Variants in FZD1 observed in about 807,000 individuals in gnomAD.
The protein encoded by FZD1 is frizzled-1.
A neutral mutation model predicts 48.0 loss-of-function variants in FZD1; 22 were observed. That is an observed-to-expected ratio of 0.46 (90% CI 0.33 to 0.65). The LOEUF (loss-of-function observed/expected upper bound fraction) is 0.65, where lower values mean the gene tolerates loss of function less well. Among genes scored for constraint, FZD1 ranks in the 30% least tolerant of loss-of-function variants. FZD1 has a pLI of 0.02. For synonymous variants in FZD1, 486 were observed against 409.6 expected, an observed-to-expected ratio of 1.19 and a Z score of -2.25; for missense variants, 843 against 898.1, an observed-to-expected ratio of 0.94 and a Z score of 0.78.
rs968107291 is a variant in FZD1, at chr7:91,268,819, G to T, written c.*1995G>T. ...CCAATCCCACAGTGTAAAAATTCAG[G>T]AATTCAATGAAAAAAGTCTACCCTT... On this transcript the variant is annotated 3_prime_UTR_variant, in exon 1 of 1. Coordinates refer to ENST00000287934, the MANE Select transcript of FZD1 (RefSeq NM_003505.2). 7 of 166,816 alleles carry T rather than the reference G, an allele frequency of 4.2e-5. No homozygotes were observed. The highest frequency in any genetic ancestry group is 1.3e-4 in the Admixed American group (2 of 15,272). 10.3% of individuals were successfully genotyped at this position (166,816 alleles called of 1,614,324 possible).
In FZD1 at chr7:91,266,105, C is replaced by G. The variant is rs559829750; in HGVS notation, c.1225C>G (p.Leu409Val). 6.2e-7 allele frequency: 1 copy of G among 1,614,244 alleles called. No individual in the cohort carries two copies. Among genetic ancestry groups the G allele is most frequent in the East Asian group, 2.2e-5 (1 of 44,858 alleles). ...GGGCTGCACCATCCTCTTCATGATG[C>G]TCTACTTCTTCAGCATGGCCAGCTC... ...KEGCTILFMM[L>V]YFFSMASSIW... The change falls in exon 1 of 1, where the codon CTC (leucine) becomes GTC (valine). Residue 409 changes from leucine to valine, a missense_variant. Leu to Val is a conservative substitution (Grantham distance 32). This residue lies in a region of FZD1 where 353 missense variants were observed against 431.6 expected (regional missense o/e 0.82). Coordinates refer to ENST00000287934, the MANE Select transcript of FZD1 (RefSeq NM_003505.2). This position sits in a 1 kb window ranked among gnomAD's most constrained non-coding sequence, Gnocchi z 6.8.
chr7:91,264,830 G>T lies in FZD1; in HGVS notation c.-51G>T, dbSNP rs2232159. 10 of 1,236,874 alleles carry T rather than the reference G, an allele frequency of 8.1e-6. No homozygotes were observed. Among genetic ancestry groups the T allele is most frequent in the Non-Finnish European group, 8.1e-6 (8 of 982,978 alleles). 76.6% of individuals were successfully genotyped at this position (1,236,874 alleles called of 1,614,324 possible). A position where few individuals can be genotyped will look rare whatever the true frequency, so the allele number is the denominator to read the frequency against. Reference sequence around the variant, plus strand: ...GCCGCAGGGGGAGCCGCCGCCGGCCGTGCCCCTGGCAGCCCCAGCGGAGCG... The same window carrying T: ...GCCGCAGGGGGAGCCGCCGCCGGCCTTGCCCCTGGCAGCCCCAGCGGAGCG... On this transcript the variant is annotated 5_prime_UTR_variant, in exon 1 of 1. Transcript: ENST00000287934.
Position 91,265,674 on chromosome 7 carries a change from G to C in FZD1, c.794G>C (p.Gly265Ala). 1 of 1,569,470 alleles carries C rather than the reference G, an allele frequency of 6.4e-7. No individual in the cohort carries two copies. Among genetic ancestry groups the C allele is most frequent in the Non-Finnish European group, 8.6e-7 (1 of 1,160,518 alleles). ...GGGCACCGTGGCGGCTTCCCGGGGG[G>C]CGCCGGCGCGTCGGAGCGAGGCAAG... is the stretch of plus-strand genomic sequence containing the variant. ...GGGHRGGFPGGAGASERGKFS... is the reference protein window; with the variant it reads ...GGGHRGGFPGAAGASERGKFS... The change falls in exon 1 of 1, where the codon GGC becomes GCC. Residue 265 changes from glycine to alanine, a missense_variant. Gly to Ala is a moderately conservative substitution (Grantham distance 60). Around this residue, in one of 2 missense-constraint regions of FZD1, gnomAD observed 490 missense variants for 466.5 expected, o/e 1.05. Transcript: ENST00000287934. This position sits in a 1 kb window ranked among gnomAD's most constrained non-coding sequence, Gnocchi z 6.9.
rs1371319481 is a variant in FZD1 at position 91,265,945 on chromosome 7, C to G, written c.1065C>G (p.Ile355Met). The G allele has an allele frequency of 1.9e-6, 3 of 1,614,200 alleles. No individual in the cohort carries two copies. The highest frequency in any genetic ancestry group is 3.3e-5 in the Admixed American group (2 of 60,034). The change falls in exon 1 of 1, where the codon ATC becomes ATG. Residue 355 changes from isoleucine to methionine, a missense_variant. Ile to Met is a conservative substitution (Grantham distance 10, BLOSUM62 1). Transcript: ENST00000287934. This position sits in a 1 kb window ranked among gnomAD's most constrained non-coding sequence, Gnocchi z 6.9. Reference sequence around the variant, plus strand: ...GCTTCAGCTACCCGGAGCGGCCCATCATCTTCTTGTCCGGCTGTTACACGG... The same window carrying G: ...GCTTCAGCTACCCGGAGCGGCCCATGATCTTCTTGTCCGGCTGTTACACGG... Reference protein sequence around the residue: ...MRRFSYPERPIIFLSGCYTAV... With the variant: ...MRRFSYPERPMIFLSGCYTAV...
Position 91,268,656 on chromosome 7 carries a change from TTATA to T in FZD1, c.*1841_*1844del, listed in dbSNP as rs923926524. On this transcript the variant is annotated 3_prime_UTR_variant, in exon 1 of 1. Coordinates refer to ENST00000287934, the MANE Select transcript of FZD1 (RefSeq NM_003505.2). ...TCTATATTTATAGAGGAATAGAAGT[TTATA>T]TATATATAATACCATATTTTTAATT... The T allele has an allele frequency of 1.8e-5, 3 of 166,050 alleles. No homozygotes were observed. Among genetic ancestry groups the T allele is most frequent in the Non-Finnish European group, 4.4e-5 (3 of 68,038 alleles). The allele number at this position is 166,050 out of a possible 1,614,324, so 10.3% of individuals were successfully genotyped here.
At position 91,269,463 on chromosome 7, in the gene FZD1, A is replaced by T. The variant is rs1162886618; in HGVS notation, c.*2639A>T. ...GAGAAATGGAAAATGCTAGATGGAA[A>T]ACCTCAAATACCTTTACAGGTTAAA... On this transcript the variant is annotated 3_prime_UTR_variant, in exon 1 of 1. Transcript: ENST00000287934. The T allele has an allele frequency of 6.0e-6, 1 of 167,012 alleles. No individual in the cohort carries two copies. Among genetic ancestry groups the T allele is most frequent in the Non-Finnish European group, 1.5e-5 (1 of 68,072 alleles). 10.3% of individuals were successfully genotyped at this position (167,012 alleles called of 1,614,324 possible).
rs1177723893 is a variant in FZD1 at position 91,270,496 on chromosome 7, A to C, written c.*3672A>C. ...TGAAGCCTTCTGGTGTAGTTGTATC[A>C]CCTTAATGTCCAGCATTTAACTAGG... On this transcript the variant is annotated 3_prime_UTR_variant, in exon 1 of 1. Coordinates refer to ENST00000287934, the MANE Select transcript of FZD1 (RefSeq NM_003505.2). 1 of 167,054 alleles carries C rather than the reference A, an allele frequency of 6.0e-6. No individual in the cohort carries two copies. Among genetic ancestry groups the C allele is most frequent in the African/African-American group, 2.4e-5 (1 of 41,428 alleles). 10.3% of individuals were successfully genotyped at this position (167,054 alleles called of 1,614,324 possible). A position where few individuals can be genotyped will look rare whatever the true frequency, so the allele number is the denominator to read the frequency against.
Position 91,266,464 on chromosome 7 carries a change from G to A in FZD1, c.1584G>A (p.Glu528=), listed in dbSNP as rs371079540. The change falls in exon 1 of 1, where the codon GAG becomes GAA. Residue 528 remains glutamate (E), a synonymous_variant. Coordinates refer to ENST00000287934, the MANE Select transcript of FZD1 (RefSeq NM_003505.2). This position sits in a 1 kb window ranked among gnomAD's most constrained non-coding sequence, Gnocchi z 6.8. ...TGAAGCACGATGGCACCAAGACCGA[G>A]AAGCTGGAGAAGCTCATGGTGCGCA... is the stretch of plus-strand genomic sequence containing the variant. The part of the protein sequence containing the change: ...TIMKHDGTKT[E]KLEKLMVRIG... 2.2e-5 allele frequency: 36 copies of A among 1,614,176 alleles called. No homozygotes were observed. Among genetic ancestry groups the A allele is most frequent in the Non-Finnish European group, 2.9e-5 (34 of 1,180,024 alleles).
At position 91,264,594 on chromosome 7, in the gene FZD1, C is replaced by A. The variant is rs1803834092; in HGVS notation, c.-287C>A. The A allele has an allele frequency of 8.0e-6, 3 of 372,898 alleles. No individual in the cohort carries two copies. The highest frequency in any genetic ancestry group is 2.9e-4 in the South Asian group (2 of 6,932). 23.1% of individuals were successfully genotyped at this position (372,898 alleles called of 1,614,324 possible). The stretch of plus-strand genomic sequence containing the variant: ...TACGGGGCCGCGGCCACTAGCGCGG[C>A]GCCGCCAGCCGGGAGCCAGCGAGCC... On this transcript the variant is annotated 5_prime_UTR_variant, in exon 1 of 1. Coordinates refer to ENST00000287934, the MANE Select transcript of FZD1 (RefSeq NM_003505.2).
Position 91,266,936 on chromosome 7 carries a change from A to C in FZD1, c.*112A>C. 2 of 712,768 alleles carry C rather than the reference A, an allele frequency of 2.8e-6. No individual in the cohort carries two copies. Among genetic ancestry groups the C allele is most frequent in the East Asian group, 2.6e-5 (1 of 38,828 alleles). The allele number at this position is 712,768 out of a possible 1,614,324, so 44.2% of individuals were successfully genotyped here. A position where few individuals can be genotyped will look rare whatever the true frequency, so the allele number is the denominator to read the frequency against. ...CATCTCGAGGTTTCCTCACTAGACAACTCTCTTTCGCAGGCTCCTTTGAAC... is the reference window on the plus strand; with the variant it reads ...CATCTCGAGGTTTCCTCACTAGACACCTCTCTTTCGCAGGCTCCTTTGAAC... On this transcript the variant is annotated 3_prime_UTR_variant, in exon 1 of 1. Coordinates refer to ENST00000287934, the MANE Select transcript of FZD1 (RefSeq NM_003505.2). The surrounding 1 kb of genome is among the most constrained non-coding windows in gnomAD (Gnocchi z 6.8).
chr7:91,265,657 T>C lies in FZD1; in HGVS notation c.777T>C (p.Arg259=). Residue 259 remains arginine, a synonymous_variant, in exon 1 of 1, where the codon CGT becomes CGC. Transcript: ENST00000287934. This position sits in a 1 kb window ranked among gnomAD's most constrained non-coding sequence, Gnocchi z 6.9. The stretch of plus-strand genomic sequence containing the variant: ...CTCAGCACGGCGGCGGAGGGCACCG[T>C]GGCGGCTTCCCGGGGGGCGCCGGCG... ...SNPQHGGGGH[R]GGFPGGAGAS... is the part of the protein sequence containing the mutation. The C allele has an allele frequency of 6.4e-7, 1 of 1,567,574 alleles. No individual in the cohort carries two copies. The highest frequency in any genetic ancestry group is 8.6e-7 in the Non-Finnish European group (1 of 1,160,028).
In FZD1 at chr7:91,264,499, C is replaced by T; in HGVS notation, c.-382C>T. 3.3e-6 allele frequency: 1 copy of T among 307,676 alleles called. No homozygotes were observed. The allele number at this position is 307,676 out of a possible 1,614,324, so 19.1% of individuals were successfully genotyped here. A position where few individuals can be genotyped will look rare whatever the true frequency, so the allele number is the denominator to read the frequency against. On this transcript the variant is annotated 5_prime_UTR_variant, in exon 1 of 1. Coordinates refer to ENST00000287934, the MANE Select transcript of FZD1 (RefSeq NM_003505.2). ...GGGATTGACACAAATGGTCAGGCGG[C>T]GGCGGCGGAGAAGGAGGCGGAGGCG...
At position 91,266,912 on chromosome 7, in the gene FZD1, A is replaced by G; in HGVS notation, c.*88A>G. 1.2e-6 allele frequency: 1 copy of G among 843,446 alleles called. No individual in the cohort carries two copies. The highest frequency in any genetic ancestry group is 1.9e-6 in the Non-Finnish European group (1 of 522,086). 52.2% of individuals were successfully genotyped at this position (843,446 alleles called of 1,614,324 possible). ...CCGTGGAGTTCGTGCCAATCCTGACATCTCGAGGTTTCCTCACTAGACAAC... is the reference window on the plus strand; with the variant it reads ...CCGTGGAGTTCGTGCCAATCCTGACGTCTCGAGGTTTCCTCACTAGACAAC... On this transcript the variant is annotated 3_prime_UTR_variant, in exon 1 of 1. Transcript: ENST00000287934. The surrounding 1 kb of genome is among the most constrained non-coding windows in gnomAD (Gnocchi z 6.8).
rs1223604668 is a variant in FZD1, at chr7:91,267,439, G to C, written c.*615G>C. 6.0e-6 allele frequency: 1 copy of C among 167,296 alleles called. No homozygotes were observed. The highest frequency in any genetic ancestry group is 1.5e-5 in the Non-Finnish European group (1 of 68,386). 10.4% of individuals were successfully genotyped at this position (167,296 alleles called of 1,614,324 possible). ...CTTCTGTCCCCTCCCTTTCTTTCCT[G>C]GCTTGAGGTAGGGGCTCTTAAGGTA... On this transcript the variant is annotated 3_prime_UTR_variant, in exon 1 of 1. Transcript: ENST00000287934.
At position 91,264,961 on chromosome 7, in the gene FZD1, G is replaced by C. The variant is rs777941535; in HGVS notation, c.81G>C (p.Ser27=). ...ASWELCAGAL[S]ARLAEEGSGD... ...GGGAACTTTGTGCCGGGGCGCTCTC[G>C]GCCCGGCTGGCGGAGGAGGGCAGCG... Residue 27 remains serine, a synonymous_variant, in exon 1 of 1, where the codon TCG becomes TCC. Transcript: ENST00000287934. The C allele has an allele frequency of 2.9e-6, 4 of 1,361,758 alleles. No individual in the cohort carries two copies. The East Asian group carries it at 1.2e-4, about 41-fold the overall frequency. The allele number at this position is 1,361,758 out of a possible 1,614,324, so 84.4% of individuals were successfully genotyped here. A position where few individuals can be genotyped will look rare whatever the true frequency, so the allele number is the denominator to read the frequency against.
At position 91,266,015 on chromosome 7, in the gene FZD1, G is replaced by A. The variant is rs1376149944; in HGVS notation, c.1135G>A (p.Val379Met). Residue 379 changes from valine to methionine, a missense_variant, in exon 1 of 1, where the codon GTG (valine) becomes ATG (methionine). This residue lies in a region of FZD1 where 353 missense variants were observed against 431.6 expected (regional missense o/e 0.82). Transcript: ENST00000287934. This position sits in a 1 kb window ranked among gnomAD's most constrained non-coding sequence, Gnocchi z 6.8. ...YIAGFLLEDR[V>M]VCNDKFAEDG... ...CGCCGGCTTCCTCCTGGAAGACCGA[G>A]TGGTGTGTAATGACAAGTTCGCCGA... 4 of 1,614,194 alleles carry A rather than the reference G, an allele frequency of 2.5e-6. No homozygotes were observed. The highest frequency in any genetic ancestry group is 3.4e-6 in the Non-Finnish European group (4 of 1,180,044).
In FZD1 at chr7:91,266,667, T is replaced by G; in HGVS notation, c.1787T>G (p.Met596Arg). ...AGGGAPPHPPMSPDFTVFMIK... is the reference protein window; with the variant it reads ...AGGGAPPHPPRSPDFTVFMIK... Reference sequence around the variant, plus strand: ...GGAGGCGCCCCGCCGCACCCGCCCATGAGCCCGGACTTCACGGTCTTCATG... The same window carrying G: ...GGAGGCGCCCCGCCGCACCCGCCCAGGAGCCCGGACTTCACGGTCTTCATG... Residue 596 changes from methionine (M) to arginine (R), a missense_variant, in exon 1 of 1, where the codon ATG (methionine) becomes AGG (arginine). Around this residue, in one of 2 missense-constraint regions of FZD1, gnomAD observed 353 missense variants for 431.6 expected, o/e 0.82. Coordinates refer to ENST00000287934, the MANE Select transcript of FZD1 (RefSeq NM_003505.2). The surrounding 1 kb of genome is among the most constrained non-coding windows in gnomAD (Gnocchi z 6.8). 2 of 1,530,010 alleles carry G rather than the reference T, an allele frequency of 1.3e-6. No homozygotes were observed. The highest frequency in any genetic ancestry group is 1.8e-6 in the Non-Finnish European group (2 of 1,109,366). 94.8% of individuals were successfully genotyped at this position (1,530,010 alleles called of 1,614,324 possible).
At position 91,265,638 on chromosome 7, in the gene FZD1, A is replaced by G; in HGVS notation, c.758A>G (p.His253Arg). Residue 253 changes from histidine (H) to arginine (R), a missense_variant, in exon 1 of 1, where the codon CAC becomes CGC. His to Arg is a conservative substitution (Grantham distance 29). Transcript: ENST00000287934. This position sits in a 1 kb window ranked among gnomAD's most constrained non-coding sequence, Gnocchi z 6.9. ...LPEFWTSNPQHGGGGHRGGFP... is the reference protein window; with the variant it reads ...LPEFWTSNPQRGGGGHRGGFP... ...GAGTTCTGGACCAGCAACCCTCAGC[A>G]CGGCGGCGGAGGGCACCGTGGCGGC... 1 of 1,582,950 alleles carries G rather than the reference A, an allele frequency of 6.3e-7. No individual in the cohort carries two copies. The highest frequency in any genetic ancestry group is 8.6e-7 in the Non-Finnish European group (1 of 1,165,700).
In FZD1 at chr7:91,264,964, C is replaced by G. The variant is rs1344204388; in HGVS notation, c.84C>G (p.Ala28=). 2 of 1,364,312 alleles carry G rather than the reference C, an allele frequency of 1.5e-6. No homozygotes were observed. Among genetic ancestry groups the G allele is most frequent in the Non-Finnish European group, 9.4e-7 (1 of 1,062,158 alleles). The allele number at this position is 1,364,312 out of a possible 1,614,324, so 84.5% of individuals were successfully genotyped here. The change falls in exon 1 of 1, where the codon GCC becomes GCG. Residue 28 remains alanine (A), a synonymous_variant. Coordinates refer to ENST00000287934, the MANE Select transcript of FZD1 (RefSeq NM_003505.2). ...SWELCAGALS[A]RLAEEGSGDA... ...AACTTTGTGCCGGGGCGCTCTCGGC[C>G]CGGCTGGCGGAGGAGGGCAGCGGGG...
Sources: allele counts gnomAD v4.1 joint callset, GRCh38; gene constraint gnomAD v4.1.1; regional missense constraint gnomAD v4.1.1; non-coding constraint Gnocchi (gnomAD v3.1); transcripts MANE v1.5; gene names NCBI Gene and HGNC (gene_info 2026-07-23, HGNC 2026-07-21).